NPAS2: variants seen among roughly 807,000 people sequenced by gnomAD.
NPAS2 encodes the protein neuronal PAS domain protein 2.
In NPAS2, 23 loss-of-function variants were observed where a neutral mutation model predicts 107.5. The observed-to-expected ratio is 0.21, with a 90% confidence interval of 0.15 to 0.30. The LOEUF is 0.30. Among genes scored for constraint, NPAS2 ranks in the 10% least tolerant of loss-of-function variants. The pLI is 1.00. For synonymous variants in NPAS2, 403 were observed against 417.5 expected (o/e 0.97, Z 0.42); for missense variants, 756 against 1,043.3 (o/e 0.72, Z 3.79).
chr2:100,993,478 C>G lies in NPAS2; in HGVS notation c.2243C>G (p.Pro748Arg). 6.2e-7 allele frequency: 1 copy of G among 1,608,978 alleles called. No homozygotes were observed. The highest frequency in any genetic ancestry group is 8.5e-7 in the Non-Finnish European group (1 of 1,177,800). Residue 748 changes from proline to arginine, a missense_variant, in exon 20 of 21, where the codon CCC (proline) becomes CGC (arginine). Physicochemically the swap from Pro to Arg is moderately radical, Grantham distance 103. Transcript: ENST00000335681. Reference protein sequence around the residue: ...HPSFPASQPSPLQPAQARQQP... With the variant: ...HPSFPASQPSRLQPAQARQQP... Reference sequence around the variant, plus strand: ...AGCTTCCCTGCCTCCCAACCATCGCCCCTGCAGCCTGCACAGGCCCGGCAG... The same window carrying G: ...AGCTTCCCTGCCTCCCAACCATCGCGCCTGCAGCCTGCACAGGCCCGGCAG...
chr2:100,935,966 A>G (rs759438891), intron 4 of NPAS2, among the ~76,000 whole-genome samples: 2 of 152,192 alleles, frequency 1.3e-5, no homozygotes, highest in African/African-American at 2.4e-5. Flanking sequence ...TGGCAGCACT[A>G]GATGCCAAAG....
At chr2:100,860,903 T>C (rs1245093257) in intron 1 of NPAS2, among the ~76,000 whole-genome samples, 1 of 152,070 alleles carries the variant, frequency 6.6e-6, no homozygotes, top group Non-Finnish European at 1.5e-5. Flanking sequence ...TGTTTTGTTT[T>C]GTGTTTTGAG....
rs1676383508 is a variant in NPAS2, at chr2:100,968,853, T to G, written c.1055+425T>G. ...TCAAACACATATTCCCCTTTATTTT[T>G]AATGCTTTAAAAACCCCTGCTGGCA... On this transcript the variant is annotated intron_variant, in intron 11 of 20. Transcript: ENST00000335681. The surrounding 1 kb of genome is among the most constrained non-coding windows in gnomAD (Gnocchi z 5.3). Among the ~76,000 whole-genome samples the G allele has an allele frequency of 6.6e-6, 1 of 152,206 alleles. No homozygotes were observed. The highest frequency in any genetic ancestry group is 6.5e-5 in the Admixed American group (1 of 15,284).
At chr2:100,971,443 G>A (rs899410795) in intron 12 of NPAS2, among the ~76,000 whole-genome samples, 1 of 152,176 alleles carries the variant, frequency 6.6e-6, no homozygotes, top group Admixed American at 6.5e-5. Context: ...GACACTGGGG[G>A]AGTTCCTCCC....
At chr2:100,886,534 T>A (rs558594943) in intron 1 of NPAS2, among the ~76,000 whole-genome samples, 1 of 152,230 alleles carries the variant, frequency 6.6e-6, no homozygotes, top group South Asian at 2.1e-4. Flanking sequence ...ATTCATTGAG[T>A]TTTATGCTGT....
intron 20 of NPAS2, 149 bp downstream of exon 20, chr2:100,993,676 T>C (rs1678275477): frequency 1.6e-6 from 1 of 611,490 alleles, no homozygotes; most frequent in Non-Finnish European, 2.6e-6. Flanking sequence ...TGTTATTTGA[T>C]TGTTTTTCAT....
chr2:100,878,381 G>T (rs968955384), intron 1 of NPAS2: 1 of 985,346 alleles, frequency 1.0e-6, no homozygotes, highest in African/African-American at 1.7e-5. Flanking sequence ...TTTGGAAGCA[G>T]CTGAGGACCT....
chr2:100,867,854 A>G (rs1487869210), intron 1 of NPAS2, among the ~76,000 whole-genome samples: 7 of 151,820 alleles, frequency 4.6e-5, no homozygotes, highest in Admixed American at 1.3e-4. Flanking sequence ...GTACTTATTT[A>G]TTTTTAACTA....
intron 1 of NPAS2, among the ~76,000 whole-genome samples, chr2:100,904,106 C>G (rs1681976736): frequency 6.6e-6 from 1 of 152,154 alleles, no homozygotes; most frequent in Admixed American, 6.5e-5. Context: ...GGGGCTGATT[C>G]TTCCAGGCCA....
At chr2:100,876,697 G>A (rs1418511818) in intron 1 of NPAS2, among the ~76,000 whole-genome samples, 2 of 152,128 alleles carry the variant, frequency 1.3e-5, no homozygotes, top group Admixed American at 6.5e-5. Flanking sequence ...TTGGTGGCAG[G>A]AGCGTGCATG....
intron 7 of NPAS2, among the ~76,000 whole-genome samples, chr2:100,954,242 C>T (rs1000229720): frequency 1.6e-4 from 25 of 152,132 alleles, no homozygotes; most frequent in African/African-American, 2.7e-4. Flanking sequence ...GCTTTAGGTG[C>T]GTTGCTTTGC....
At chr2:100,988,850 ACTGCTCCTCCAGGCCTCT>A (rs1677935875) in intron 17 of NPAS2, 3 of 34,138 alleles carry the variant, frequency 8.8e-5, no homozygotes, top group South Asian at 3.2e-4. Flanking sequence ...CCAGGCCCCC[ACTGCTCCTCCAGGCCTCT>A]CTGCTCCTCC....
intron 7 of NPAS2, among the ~76,000 whole-genome samples, chr2:100,953,949 A>C (rs1460011403): frequency 6.6e-6 from 1 of 152,242 alleles, no homozygotes; most frequent in African/African-American, 2.4e-5. Context: ...AATGACTGTC[A>C]TGAAGGGAAA....
Position 100,964,066 on chromosome 2 carries a change from C to T in NPAS2, c.607C>T (p.Pro203Ser), listed in dbSNP as rs1324239133. The change falls in exon 8 of 21, where the codon CCC (proline) becomes TCC (serine). Residue 203 changes from proline to serine, a missense_variant. This residue lies in a region of NPAS2 where 30 missense variants were observed against 23.8 expected (regional missense o/e 1.26). Coordinates refer to ENST00000335681, the MANE Select transcript of NPAS2 (RefSeq NM_002518.4). ...NFRSYNNVPS[P>S]SCNGFDNTLS... is the part of the protein sequence containing the mutation. ...TCTTCCCAACCCCCCAGTGCCTAGC[C>T]CCTCCTGTAATGGTTTTGACAACAC... 1 of 1,612,338 alleles carries T rather than the reference C, an allele frequency of 6.2e-7. No individual in the cohort carries two copies. Among genetic ancestry groups the T allele is most frequent in the African/African-American group, 1.3e-5 (1 of 75,022 alleles).
intron 1 of NPAS2, among the ~76,000 whole-genome samples, chr2:100,889,434 C>T (rs935081500): frequency 2.0e-4 from 30 of 152,224 alleles, no homozygotes; most frequent in African/African-American, 5.3e-4. Context: ...TGCCCTTTGC[C>T]GTGTGACATT....
chr2:100,939,405 A>AT lies in NPAS2; in HGVS notation c.363+1563_363+1564insT, dbSNP rs1674444011. ...GCTCTCTCCTCTTGATAGCCATCAG[A>AT]AGTGGCTCATCCTCACTCGGCCTGA... On this transcript the variant is annotated intron_variant, in intron 5 of 20. Transcript: ENST00000335681. Among the ~76,000 whole-genome samples the AT allele has an allele frequency of 6.6e-5, 10 of 152,114 alleles. 1 individual carries two copies. The highest frequency in any genetic ancestry group is 6.2e-4 in the South Asian group (3 of 4,824).
chr2:100,966,208 A>T (rs946253632), intron 10 of NPAS2, among the ~76,000 whole-genome samples: 3 of 152,130 alleles, frequency 2.0e-5, no homozygotes, highest in African/African-American at 7.2e-5. Context: ...GCTGTCCCGC[A>T]GGGCAGGTCT....
intron 1 of NPAS2, among the ~76,000 whole-genome samples, chr2:100,869,799 G>T (rs13032582): frequency 4.6e-3 from 696 of 152,082 alleles, no homozygotes; most frequent in Non-Finnish European, 6.7e-3. Context: ...TATCAAAAAG[G>T]CTTGGGCCGG....
intron 1 of NPAS2, among the ~76,000 whole-genome samples, chr2:100,839,041 C>G (rs1677237224): frequency 6.6e-6 from 1 of 152,172 alleles, no homozygotes; most frequent in South Asian, 2.1e-4. Flanking sequence ...ACCCCTGAGA[C>G]AGCAAGACAA....
Sources: gnomAD v4.1 joint callset for allele counts (sites outside exome capture counted in the v4.1 genomes callset) on GRCh38, gnomAD v4.1.1 for gene constraint, gnomAD v4.1.1 regional missense constraint, Gnocchi (gnomAD v3.1) non-coding constraint, MANE v1.5 for transcripts, NCBI Gene and HGNC (gene_info 2026-07-23, HGNC 2026-07-21) for gene names.